Variants in KLRG1 observed in about 807,000 individuals in gnomAD.
KLRG1 encodes the protein killer cell lectin-like receptor subfamily G member 1.
Under a neutral mutation model 21.8 loss-of-function variants are expected in KLRG1, and 16 were observed. The ratio of observed to expected loss-of-function variants is 0.73; its 90% CI spans 0.50 to 1.11. KLRG1 has a LOEUF of 1.11. Ranked by LOEUF, KLRG1 falls within the 50% of genes most tolerant of loss-of-function variation. The probability of loss-of-function intolerance (pLI) is 0.00; values close to 1 mark genes in which losing one functional copy is unlikely to be tolerated. For synonymous variants in KLRG1, 69 were observed against 75.9 expected (o/e 0.91, Z 0.47); for missense variants, 173 against 218.3 (o/e 0.79, Z 1.31).
chr12:9,075,865 A>G, the KLRG1 span, among the ~76,000 whole-genome samples: 1 of 152,188 alleles, frequency 6.6e-6, no homozygotes, highest in Non-Finnish European at 1.5e-5. Flanking sequence ...TTCTTAATCT[A>G]TGAGAGAGTT....
chr12:8,952,458 C>T (rs1429819097), intron 1 of KLRG1, among the ~76,000 whole-genome samples: 1 of 152,190 alleles, frequency 6.6e-6, no homozygotes, highest in Non-Finnish European at 1.5e-5. Context: ...TCCCAAAATG[C>T]TGGGATTACA....
the KLRG1 span, among the ~76,000 whole-genome samples, chr12:9,034,935 A>T: frequency 6.6e-6 from 1 of 152,232 alleles, no homozygotes; most frequent in African/African-American, 2.4e-5. Context: ...AAGATAAGGA[A>T]GTAGAACAGT....
chr12:8,979,581 C>T (rs1946721190), intron 1 of KLRG1, among the ~76,000 whole-genome samples: 1 of 152,106 alleles, frequency 6.6e-6, no homozygotes, highest in African/African-American at 2.4e-5. Context: ...TTTTAGGATT[C>T]CTGAATCTGG....
At chr12:9,144,671 T>C in the KLRG1 span, among the ~76,000 whole-genome samples, 1 of 151,854 alleles carries the variant, frequency 6.6e-6, no homozygotes, top group African/African-American at 2.4e-5. Flanking sequence ...GGTTTTAGGG[T>C]GAGAGAGCTT....
chr12:9,095,736 T>C, the KLRG1 span: 213,225 of 1,323,404 alleles, frequency 0.16, 22,022 homozygotes, highest in East Asian at 0.35. Flanking sequence ...GCAAACTTAT[T>C]TGTGACTTTT....
the KLRG1 span, among the ~76,000 whole-genome samples, chr12:9,050,966 T>C: frequency 6.6e-6 from 1 of 152,180 alleles, no homozygotes; most frequent in Non-Finnish European, 1.5e-5. Flanking sequence ...GGCAGAGTCC[T>C]GGGAGGAAGG....
At chr12:9,125,985 G>A in the KLRG1 span, among the ~76,000 whole-genome samples, 6 of 152,122 alleles carry the variant, frequency 3.9e-5, no homozygotes, top group South Asian at 2.1e-4. Flanking sequence ...CACCCACCTC[G>A]GCCTCCCAAA....
downstream of KLRG1, among the ~76,000 whole-genome samples, chr12:9,011,517 C>T (rs1805714): frequency 0.065 from 9,860 of 151,060 alleles, 467 homozygotes; most frequent in African/African-American, 0.13. Context: ...AATAACAGAG[C>T]AGTCACAAAA....
the KLRG1 span, chr12:9,152,837 A>T: frequency 6.2e-7 from 1 of 1,614,092 alleles, no homozygotes. Context: ...ATGGTCAGTG[A>T]GATCTGAAAG....
chr12:9,105,094 A>G, the KLRG1 span, among the ~76,000 whole-genome samples: 1 of 152,180 alleles, frequency 6.6e-6, no homozygotes, highest in African/African-American at 2.4e-5. Context: ...TACTGCTAAT[A>G]TTGTATTGGC....
chr12:8,974,174 G>GT (rs34490439), intron 1 of KLRG1, among the ~76,000 whole-genome samples: 52,933 of 145,354 alleles, frequency 0.36, 10,411 homozygotes, highest in South Asian at 0.44. Flanking sequence ...TGTTTGTTTT[G>GT]TTTTTTTTTT....
At chr12:8,974,248 A>G (rs1946619869) in intron 1 of KLRG1, among the ~76,000 whole-genome samples, 1 of 151,794 alleles carries the variant, frequency 6.6e-6, no homozygotes, top group Admixed American at 6.6e-5. Context: ...GCTCACTGCA[A>G]GCTCCGCCTC....
the KLRG1 span, chr12:9,192,127 C>T: frequency 1.5e-6 from 2 of 1,350,934 alleles, no homozygotes; most frequent in African/African-American, 2.9e-5. Flanking sequence ...CATTTATGAA[C>T]TGTCACCGAG....
At chr12:9,086,148 G>A in the KLRG1 span, among the ~76,000 whole-genome samples, 1 of 152,102 alleles carries the variant, frequency 6.6e-6, no homozygotes, top group Non-Finnish European at 1.5e-5. Context: ...ATTTTATGAG[G>A]CAAGCATTAC....
chr12:9,129,389 T>C, the KLRG1 span, among the ~76,000 whole-genome samples: 1 of 152,054 alleles, frequency 6.6e-6, no homozygotes, highest in Non-Finnish European at 1.5e-5. Context: ...ATTTTTTAAA[T>C]TTTTTCTAAT....
At chr12:8,978,471 T>A (rs1289786469) in intron 1 of KLRG1, among the ~76,000 whole-genome samples, 1 of 152,176 alleles carries the variant, frequency 6.6e-6, no homozygotes, top group Non-Finnish European at 1.5e-5. Flanking sequence ...CCACTGCACC[T>A]AGCCTGTCCT....
the KLRG1 span, among the ~76,000 whole-genome samples, chr12:9,034,139 A>G: frequency 6.6e-6 from 1 of 152,382 alleles, no homozygotes; most frequent in Non-Finnish European, 1.5e-5. Context: ...AGATACATAC[A>G]GTCATGCACA....
chr12:9,169,285 T>A, the KLRG1 span: 1 of 836,644 alleles, frequency 1.2e-6, no homozygotes, highest in East Asian at 2.8e-5. Flanking sequence ...ACAAGAGACT[T>A]TAACCTTTTT....
chr12:9,197,012 C>T, the KLRG1 span: 10 of 1,596,238 alleles, frequency 6.3e-6, no homozygotes, highest in South Asian at 1.1e-5. Flanking sequence ...GCCTACTAAC[C>T]TGTTGACTGA....
Sources: gnomAD v4.1 joint callset for allele counts (sites outside exome capture counted in the v4.1 genomes callset) on GRCh38, gnomAD v4.1.1 for gene constraint, MANE v1.5 for transcripts, NCBI Gene and HGNC (gene_info 2026-07-23, HGNC 2026-07-21) for gene names.